Variants in TASP1 observed in about 807,000 individuals in gnomAD.
TASP1 encodes the protein taspase 1.
TASP1 carries 16 observed loss-of-function variants against 56.6 expected under a neutral mutation model. The observed-to-expected ratio is 0.28, with a 90% CI of 0.19 to 0.43. The LOEUF (loss-of-function observed/expected upper bound fraction) is 0.43, where lower values mean the gene tolerates loss of function less well. Among genes scored for constraint, TASP1 ranks in the 20% least tolerant of loss-of-function variants. The probability of loss-of-function intolerance (pLI) is 1.00; values close to 1 mark genes in which losing one functional copy is unlikely to be tolerated. For missense variants in TASP1, 393 were observed against 511.6 expected (o/e 0.77, Z 2.24); for synonymous variants, 179 against 184.2 (o/e 0.97, Z 0.23).
At chr20:13,140,054 A>G in the TASP1 span, among the ~76,000 whole-genome samples, 1 of 152,170 alleles carries the variant, frequency 6.6e-6, no homozygotes, top group Non-Finnish European at 1.5e-5. Context: ...GAAGCAGAAA[A>G]TAGACCCTGA....
intron 4 of TASP1, among the ~76,000 whole-genome samples, chr20:13,591,321 G>A (rs561412251): frequency 2.6e-5 from 4 of 152,154 alleles, no homozygotes; most frequent in Admixed American, 6.5e-5. Context: ...CTGAAAACCA[G>A]CAATAAAATC....
intron 12 of TASP1, among the ~76,000 whole-genome samples, chr20:13,421,755 G>A (rs542828063): frequency 2.0e-4 from 31 of 152,190 alleles, no homozygotes; most frequent in African/African-American, 7.5e-4. Flanking sequence ...TAGCAGTGGT[G>A]GGAGTATGGC....
intron 11 of TASP1, among the ~76,000 whole-genome samples, chr20:13,439,780 T>C (rs2043151504): frequency 6.6e-6 from 1 of 151,398 alleles, no homozygotes; most frequent in Admixed American, 6.6e-5. Flanking sequence ...GTCAAAAATA[T>C]AAGAAAATCA....
chr20:13,429,992 G>A (rs1210922767), intron 12 of TASP1, among the ~76,000 whole-genome samples: 2 of 152,072 alleles, frequency 1.3e-5, no homozygotes, highest in Non-Finnish European at 2.9e-5. Flanking sequence ...TAATGGAGAC[G>A]GGACTGAGGG....
intron 4 of TASP1, among the ~76,000 whole-genome samples, chr20:13,605,889 G>A (rs901406968): frequency 2.6e-5 from 4 of 151,900 alleles, no homozygotes; most frequent in Admixed American, 2.6e-4. Context: ...AAAATCCAAA[G>A]TCCTAATTTT....
chr20:13,175,037 T>G, the TASP1 span, among the ~76,000 whole-genome samples: 1 of 152,180 alleles, frequency 6.6e-6, no homozygotes, highest in Non-Finnish European at 1.5e-5. Flanking sequence ...CTTTCTGCCA[T>G]GATTATAAGG....
At chr20:13,630,376 A>G (rs1006996083) in intron 1 of TASP1, among the ~76,000 whole-genome samples, 46 of 152,130 alleles carry the variant, frequency 3.0e-4, no homozygotes, top group Admixed American at 2.8e-3. Context: ...TAGAATTTAA[A>G]TCTCTCTGTC....
At chr20:13,451,855 C>T (rs936858373) in intron 11 of TASP1, among the ~76,000 whole-genome samples, 4 of 152,110 alleles carry the variant, frequency 2.6e-5, no homozygotes, top group African/African-American at 7.2e-5. Flanking sequence ...TCCTCACTAA[C>T]CTTAATCATT....
chr20:13,269,974 T>C, the TASP1 span, among the ~76,000 whole-genome samples: 402 of 152,142 alleles, frequency 2.6e-3, 1 homozygote, highest in Non-Finnish European at 4.6e-3. Flanking sequence ...GATAGATGGA[T>C]ATGTGAATGG....
the TASP1 span, among the ~76,000 whole-genome samples, chr20:13,174,104 C>T: frequency 6.6e-6 from 1 of 152,126 alleles, no homozygotes; most frequent in Non-Finnish European, 1.5e-5. Flanking sequence ...GTCCAGCCTT[C>T]AATGTGTATA....
the TASP1 span, among the ~76,000 whole-genome samples, chr20:13,307,754 G>C: frequency 6.6e-6 from 1 of 152,208 alleles, no homozygotes. Flanking sequence ...CCATATCGCT[G>C]CTTGCAGCTA....
intron 13 of TASP1, chr20:13,392,750 G>C (rs1341018442): frequency 1.0e-4 from 59 of 586,096 alleles, no homozygotes; most frequent in Middle Eastern, 5.3e-4. Flanking sequence ...TTTAACTCTG[G>C]TAAAGCAGAT....
At chr20:13,155,327 C>A in the TASP1 span, among the ~76,000 whole-genome samples, 1 of 152,194 alleles carries the variant, frequency 6.6e-6, no homozygotes, top group South Asian at 2.1e-4. Context: ...CAATGTAACC[C>A]ATTGCTGGAA....
At chr20:13,600,261 G>A (rs902752159) in intron 4 of TASP1, among the ~76,000 whole-genome samples, 1 of 152,156 alleles carries the variant, frequency 6.6e-6, no homozygotes, top group African/African-American at 2.4e-5. Flanking sequence ...AGATTGACAA[G>A]TTGGTTTTAA....
At chr20:13,571,628 T>C (rs2046716911) in intron 6 of TASP1, among the ~76,000 whole-genome samples, 1 of 152,140 alleles carries the variant, frequency 6.6e-6, no homozygotes, top group South Asian at 2.1e-4. Flanking sequence ...CTGACCTCAG[T>C]CAATTCTCAA....
chr20:13,637,761 A>G (rs575606066), intron 1 of TASP1, among the ~76,000 whole-genome samples: 1 of 152,342 alleles, frequency 6.6e-6, no homozygotes, highest in East Asian at 1.9e-4. Flanking sequence ...AGTGACTGTC[A>G]TGAGTATAGG....
the TASP1 span, among the ~76,000 whole-genome samples, chr20:13,221,201 C>A: frequency 1.4e-5 from 2 of 147,790 alleles, no homozygotes; most frequent in Non-Finnish European, 3.0e-5. Context: ...AACTCCCGGC[C>A]GCAGCTGAAG....
At chr20:13,224,346 C>T in the TASP1 span, among the ~76,000 whole-genome samples, 3 of 152,292 alleles carry the variant, frequency 2.0e-5, no homozygotes, top group African/African-American at 7.2e-5. Context: ...GAATGTTCTG[C>T]CAAATGAGGA....
At chr20:13,360,906 C>G in the TASP1 span, among the ~76,000 whole-genome samples, 1 of 152,176 alleles carries the variant, frequency 6.6e-6, no homozygotes, top group African/African-American at 2.4e-5. Context: ...TTTCCTGTTC[C>G]TCACCCAGAT....
Sources: allele counts gnomAD v4.1 joint callset (sites outside exome capture counted in the v4.1 genomes callset), GRCh38; gene constraint gnomAD v4.1.1; transcripts MANE v1.5; gene names NCBI Gene and HGNC (gene_info 2026-07-23, HGNC 2026-07-21).